VWA3B: variants seen among roughly 807,000 people sequenced by gnomAD.
The protein encoded by VWA3B is von Willebrand factor A domain containing 3B, also known as von Willebrand factor A domain-containing protein 3B.
Under a neutral mutation model 158.3 loss-of-function variants are expected in VWA3B, and 138 were observed. That is an observed-to-expected ratio of 0.87 (90% CI 0.76 to 1.00). VWA3B has a LOEUF of 1.00. Among genes scored for constraint, VWA3B ranks in the 50% least tolerant of loss-of-function variants. The pLI, the probability that VWA3B is intolerant of heterozygous loss-of-function variation, is 0.00. For synonymous variants in VWA3B, 596 were observed against 587.3 expected, an observed-to-expected ratio of 1.01 and a Z score of -0.21; for missense variants, 1,555 against 1,565.1, an observed-to-expected ratio of 0.99 and a Z score of 0.11.
intron 12 of VWA3B, chr2:98,207,212 A>G (rs1683098629): frequency 3.7e-6 from 2 of 545,036 alleles, no homozygotes; most frequent in South Asian, 2.9e-5. Flanking sequence ...GAGATCTATC[A>G]CCTCTGTACA....
intron 23 of VWA3B, among the ~76,000 whole-genome samples, chr2:98,293,880 C>CA (rs1488259520): frequency 1.3e-5 from 2 of 152,140 alleles, no homozygotes; most frequent in Non-Finnish European, 2.9e-5. Context: ...GGACAGGTCT[C>CA]AGCCCAGAAT....
At chr2:98,168,890 G>A (rs1679340567) in intron 8 of VWA3B, among the ~76,000 whole-genome samples, 1 of 152,140 alleles carries the variant, frequency 6.6e-6, no homozygotes, top group Admixed American at 6.5e-5. Flanking sequence ...ATTCCTGCGG[G>A]GAGGAAGTAG....
chr2:98,241,989 C>G (rs1013581789), intron 19 of VWA3B, among the ~76,000 whole-genome samples: 2 of 152,116 alleles, frequency 1.3e-5, no homozygotes, highest in African/African-American at 4.8e-5. Context: ...CAAATATCTC[C>G]CACCTCATGG....
chr2:98,115,544 G>A, intron 2 of VWA3B, 108 bp from the exon 3 acceptor site: 1 of 777,456 alleles, frequency 1.3e-6, no homozygotes, highest in Non-Finnish European at 2.1e-6. Context: ...AATTATTGAT[G>A]GCACAAGATA....
In VWA3B at chr2:98,123,732, G is replaced by A. The variant is rs533470015; in HGVS notation, c.702+2274G>A. Among the ~76,000 whole-genome samples, 46 of 152,270 alleles carry A rather than the reference G, an allele frequency of 3.0e-4. 1 individual carries two copies. The South Asian group carries it at 8.7e-3, about 29-fold the overall frequency. On this transcript the variant is annotated intron_variant, in intron 5 of 27. Transcript: ENST00000477737. Reference sequence around the variant, plus strand: ...TCCTCAGAGACCAGGTGTGTGGACCGGCACAGAGTTTCTGCTCTTCAGTAG... The same window carrying A: ...TCCTCAGAGACCAGGTGTGTGGACCAGCACAGAGTTTCTGCTCTTCAGTAG...
At chr2:98,290,413 A>G in intron 22 of VWA3B, 98 bp from the exon 23 acceptor site, 3 of 900,016 alleles carry the variant, frequency 3.3e-6, no homozygotes, top group Non-Finnish European at 3.4e-6. Context: ...GGATGGGGAC[A>G]CAGAGCCAAA....
chr2:98,305,810 T>C (rs766485904), intron 26 of VWA3B, among the ~76,000 whole-genome samples: 11 of 152,050 alleles, frequency 7.2e-5, no homozygotes, highest in Non-Finnish European at 1.2e-4. Flanking sequence ...CCTGCCACAG[T>C]CCCAGTCACT....
At chr2:98,297,601 A>G (rs183825395) in intron 23 of VWA3B, among the ~76,000 whole-genome samples, 107 of 152,286 alleles carry the variant, frequency 7.0e-4, no homozygotes, top group African/African-American at 2.5e-3. Flanking sequence ...CGAGAAGAGG[A>G]TCTTTATTTC....
Position 98,188,637 on chromosome 2 carries a change from T to C in VWA3B, c.1466+508T>C, listed in dbSNP as rs114949845. ...ACTTAATTTGCTTAACATAATGTCC[T>C]GTAGGCTCATCCATGCTGCTGCGAA... On this transcript the variant is annotated intron_variant, in intron 10 of 27. Coordinates refer to ENST00000477737, the MANE Select transcript of VWA3B (RefSeq NM_144992.5). Among the ~76,000 whole-genome samples, 931 of 152,362 alleles carry C rather than the reference T, an allele frequency of 6.1e-3. 9 individuals carry two copies. Among genetic ancestry groups the C allele is most frequent in the African/African-American group, 0.021 (890 of 41,578 alleles).
intron 2 of VWA3B, among the ~76,000 whole-genome samples, chr2:98,111,758 T>G (rs1173642391): frequency 2.0e-5 from 3 of 152,186 alleles, no homozygotes; most frequent in Non-Finnish European, 2.9e-5. Context: ...TTTTGCTTGC[T>G]GAATAGTTTA....
Position 98,103,832 on chromosome 2 carries a change from C to T in VWA3B, c.196+10544C>T, listed in dbSNP as rs78563380. On this transcript the variant is annotated intron_variant, in intron 2 of 27. Transcript: ENST00000477737. ...TATATATATTTAGTGCTTTTTTTGT[C>T]TACTGGATTTGTTCATTTCTCCCTT... 2.1e-3 allele frequency among the ~76,000 whole-genome samples: 316 copies of T among 152,056 alleles called. 2 individuals are homozygous for T. Among genetic ancestry groups the T allele is most frequent in the African/African-American group, 7.5e-3 (310 of 41,514 alleles).
intron 5 of VWA3B, among the ~76,000 whole-genome samples, chr2:98,124,604 G>C (rs1449400730): frequency 6.6e-6 from 1 of 152,248 alleles, no homozygotes; most frequent in Admixed American, 6.5e-5. Flanking sequence ...ACTGGAGTTG[G>C]CCAGAAATGT....
the VWA3B span, among the ~76,000 whole-genome samples, chr2:98,326,622 G>A: frequency 9.9e-5 from 15 of 152,130 alleles, no homozygotes; most frequent in East Asian, 3.9e-4. Context: ...TTAGCCAGGC[G>A]TGGTGGCATG....
At chr2:98,255,893 G>A (rs936264758) in intron 20 of VWA3B, among the ~76,000 whole-genome samples, 42 of 152,078 alleles carry the variant, frequency 2.8e-4, no homozygotes, top group African/African-American at 9.9e-4. Context: ...GTTTTACCTG[G>A]CTGAGCTGGG....
At chr2:98,172,443 G>A (rs552253735) in intron 8 of VWA3B, among the ~76,000 whole-genome samples, 1 of 152,298 alleles carries the variant, frequency 6.6e-6, no homozygotes, top group Non-Finnish European at 1.5e-5. Flanking sequence ...TCCTCTCGAT[G>A]TCCAGCTGCT....
Position 98,290,627 on chromosome 2 carries a change from T to G in VWA3B, c.3157+5T>G, listed in dbSNP as rs1689432185. On this transcript the variant is annotated splice_donor_5th_base_variant and intron_variant, in intron 23 of 27. Coordinates refer to ENST00000477737, the MANE Select transcript of VWA3B (RefSeq NM_144992.5). ...AAAATGGCTTTTATTTTCCAGGTAG[T>G]TTTTTTTTTTTTAATTTCGTGAGGC... is the stretch of plus-strand genomic sequence containing the variant. 5 of 680,390 alleles carry G rather than the reference T, an allele frequency of 7.3e-6. No individual in the cohort carries two copies. Among genetic ancestry groups the G allele is most frequent in the African/African-American group, 2.0e-5 (1 of 49,204 alleles). 42.1% of individuals were successfully genotyped at this position (680,390 alleles called of 1,614,324 possible). A position where few individuals can be genotyped will look rare whatever the true frequency, so the allele number is the denominator to read the frequency against.
chr2:98,163,430 C>A (rs2105249743), intron 8 of VWA3B, among the ~76,000 whole-genome samples: 1 of 152,210 alleles, frequency 6.6e-6, no homozygotes, highest in African/African-American at 2.4e-5. Context: ...CCCAGCTACT[C>A]AGGAGGCTGA....
At chr2:98,180,971 A>G (rs1680520725) in intron 8 of VWA3B, 45 bp from the exon 9 acceptor site, 2 of 1,586,980 alleles carry the variant, frequency 1.3e-6, no homozygotes, top group Admixed American at 3.4e-5. Context: ...GTGTAATATG[A>G]ATGGCTCATG....
downstream of VWA3B, among the ~76,000 whole-genome samples, chr2:98,314,105 T>C (rs1212684959): frequency 6.6e-6 from 1 of 152,220 alleles, no homozygotes; most frequent in Non-Finnish European, 1.5e-5. Flanking sequence ...CCCAGTCGCT[T>C]CCTGGAGATA....
Sources: allele counts gnomAD v4.1 joint callset (sites outside exome capture counted in the v4.1 genomes callset), GRCh38; gene constraint gnomAD v4.1.1; transcripts MANE v1.5; gene names NCBI Gene and HGNC (gene_info 2026-07-23, HGNC 2026-07-21).